Variants in IFT140 observed in about 807,000 individuals in gnomAD.
The protein encoded by IFT140 is intraflagellar transport 140.
IFT140 carries 133 observed loss-of-function variants against 164.6 expected under a neutral mutation model. The ratio of observed to expected loss-of-function variants is 0.81; its 90% CI spans 0.70 to 0.93. IFT140 has a LOEUF of 0.93. Among genes scored for constraint, IFT140 ranks in the 40% least tolerant of loss-of-function variants. The probability of loss-of-function intolerance (pLI) is 0.00; values close to 1 mark genes in which losing one functional copy is unlikely to be tolerated. For synonymous variants in IFT140, 860 were observed against 817.3 expected, an observed-to-expected ratio of 1.05 and a Z score of -0.89; for missense variants, 2,045 against 1,972.3, an observed-to-expected ratio of 1.04 and a Z score of -0.70.
chr16:1,574,225 G>C (rs573584004), intron 13 of IFT140, among the ~76,000 whole-genome samples: 1 of 152,248 alleles, frequency 6.6e-6, no homozygotes, highest in East Asian at 1.9e-4. Flanking sequence ...TGTTCCTCGG[G>C]GCTGAGTTTT....
intron 12 of IFT140, 60 bp downstream of exon 12, chr16:1,583,254 G>T: frequency 1.4e-6 from 2 of 1,430,054 alleles, no homozygotes; most frequent in Non-Finnish European, 2.0e-6. Flanking sequence ...CCTCTCATTA[G>T]GCAGGGAGGA....
At chr16:1,522,381 C>T (rs921653702) in intron 26 of IFT140, among the ~76,000 whole-genome samples, 1 of 151,686 alleles carries the variant, frequency 6.6e-6, no homozygotes, top group Non-Finnish European at 1.5e-5. Context: ...AATAAAAATA[C>T]AAAATTAGCC....
rs1227516953 is a variant in IFT140, at chr16:1,554,097, A to C, written c.2399+3838T>G. ...ATCTGCCAGGGAGGAGGGAGGGTCT[A>C]GAACGAGAAGCACTGACTCGGAAGT... On this transcript the variant is annotated intron_variant, in intron 19 of 30. Coordinates refer to ENST00000426508, the MANE Select transcript of IFT140 (RefSeq NM_014714.4). 4 of 1,287,104 alleles carry C rather than the reference A, an allele frequency of 3.1e-6. No individual in the cohort carries two copies. The East Asian group carries it at 2.2e-4, about 71-fold the overall frequency. 79.7% of individuals were successfully genotyped at this position (1,287,104 alleles called of 1,614,324 possible). A position where few individuals can be genotyped will look rare whatever the true frequency, so the allele number is the denominator to read the frequency against.
intron 3 of IFT140, among the ~76,000 whole-genome samples, chr16:1,603,467 G>A (rs1484987512): frequency 6.6e-6 from 1 of 152,028 alleles, no homozygotes; most frequent in East Asian, 1.9e-4. Context: ...CAGCTTGTGA[G>A]ATATGTGCTG....
At chr16:1,568,748 C>T (rs1278726720) in intron 14 of IFT140, among the ~76,000 whole-genome samples, 1 of 151,908 alleles carries the variant, frequency 6.6e-6, no homozygotes, top group Non-Finnish European at 1.5e-5. Flanking sequence ...AGTGAGACTC[C>T]ATCTCAAAAA....
intron 4 of IFT140, among the ~76,000 whole-genome samples, chr16:1,593,273 C>T (rs1240747248): frequency 1.3e-5 from 2 of 152,010 alleles, no homozygotes; most frequent in Admixed American, 6.6e-5. Context: ...ATCTTCATGC[C>T]TAGAGTTAGC....
chr16:1,581,606 T>C (rs1226416637), intron 12 of IFT140, among the ~76,000 whole-genome samples: 1 of 150,404 alleles, frequency 6.6e-6, no homozygotes, highest in Non-Finnish European at 1.5e-5. Flanking sequence ...TCAGAAAGAA[T>C]CTAGTTAGGG....
At chr16:1,593,804 G>C (rs747885874) in intron 4 of IFT140, among the ~76,000 whole-genome samples, 75 of 152,284 alleles carry the variant, frequency 4.9e-4, no homozygotes, top group Non-Finnish European at 6.2e-4. Flanking sequence ...GGTTGTGCTT[G>C]TGGGGTCTCT....
At chr16:1,572,539 G>A (rs1427538142) in intron 13 of IFT140, among the ~76,000 whole-genome samples, 4 of 152,158 alleles carry the variant, frequency 2.6e-5, no homozygotes, top group East Asian at 1.9e-4. Flanking sequence ...CCAGCTACTC[G>A]GGAGGCTGAG....
intron 7 of IFT140, among the ~76,000 whole-genome samples, 174 bp from the exon 8 acceptor site, chr16:1,588,198 G>C (rs980466834): frequency 2.0e-5 from 3 of 152,104 alleles, no homozygotes; most frequent in African/African-American, 7.2e-5. Context: ...TGAGATGTAG[G>C]GGCCGAAGCA....
intron 13 of IFT140, among the ~76,000 whole-genome samples, chr16:1,574,993 T>C (rs1359316702): frequency 6.6e-6 from 1 of 152,176 alleles, no homozygotes; most frequent in African/African-American, 2.4e-5. Flanking sequence ...AGAAGGGTCA[T>C]GAGGGATCAC....
chr16:1,575,447 G>A (rs1405436481), intron 13 of IFT140, among the ~76,000 whole-genome samples: 1 of 152,070 alleles, frequency 6.6e-6, no homozygotes, highest in African/African-American at 2.4e-5. Flanking sequence ...CCCACGCTCA[G>A]GAGGCTGAGG....
chr16:1,549,906 G>C (rs1389497627), intron 19 of IFT140, among the ~76,000 whole-genome samples: 1 of 152,190 alleles, frequency 6.6e-6, no homozygotes, highest in Admixed American at 6.5e-5. Flanking sequence ...CCCATGTCCA[G>C]GTTGCGTGTG....
At chr16:1,543,414 C>T (rs971260925) in intron 19 of IFT140, among the ~76,000 whole-genome samples, 4 of 152,144 alleles carry the variant, frequency 2.6e-5, no homozygotes, top group African/African-American at 4.8e-5. Context: ...GCTCTCTGAG[C>T]GCTATTAATA....
intron 1 of IFT140, among the ~76,000 whole-genome samples, chr16:1,611,685 G>A (rs1317164114): frequency 2.0e-5 from 3 of 150,742 alleles, no homozygotes; most frequent in African/African-American, 4.9e-5. Flanking sequence ...ATGGTGGCGC[G>A]CGCCTGTAAT....
At position 1,523,543 on chromosome 16, in the gene IFT140, A is replaced by G; in HGVS notation, c.3428T>C (p.Val1143Ala). 6.2e-7 allele frequency: 1 copy of G among 1,612,656 alleles called. No homozygotes were observed. The highest frequency in any genetic ancestry group is 8.5e-7 in the Non-Finnish European group (1 of 1,179,872). Residue 1143 changes from valine (V) to alanine (A), a missense_variant, in exon 26 of 31, where the codon GTA (valine) becomes GCA (alanine). Physicochemically the swap from Val to Ala is moderately conservative, Grantham distance 64 (BLOSUM62 0). Transcript: ENST00000426508. Reference protein sequence around the residue: ...FIEHSQYERAVELLLAARKYQ... With the variant: ...FIEHSQYERAAELLLAARKYQ... ...CTTCCTGGCAGCCAGCAGCAGCTCT[A>G]CCGCCCTCTCGTACTGACTGTGCTC... is the stretch of plus-strand genomic sequence containing the variant.
At chr16:1,559,125 T>C (rs1156615582) in intron 18 of IFT140, among the ~76,000 whole-genome samples, 1 of 152,222 alleles carries the variant, frequency 6.6e-6, no homozygotes, top group African/African-American at 2.4e-5. Flanking sequence ...CGGATGTGAC[T>C]GGGGCCCATC....
In IFT140 at chr16:1,551,457, A is replaced by C. The variant is rs2667664; in HGVS notation, c.2399+6478T>G. Among the ~76,000 whole-genome samples, 1 of 152,168 alleles carries C rather than the reference A, an allele frequency of 6.6e-6. No homozygotes were observed. The highest frequency in any genetic ancestry group is 6.5e-5 in the Admixed American group (1 of 15,284). ...GGCCACTGGGCCCCAGGGTGGCAGA[A>C]GGGCGGCCGCAGGTAGCAGGGGAGA... On this transcript the variant is annotated intron_variant, in intron 19 of 30. Transcript: ENST00000426508. This position sits in a 1 kb window ranked among gnomAD's most constrained non-coding sequence, Gnocchi z 4.0.
At position 1,551,258 on chromosome 16, in the gene IFT140, G is replaced by A. The variant is rs1596348624; in HGVS notation, c.2399+6677C>T. On this transcript the variant is annotated intron_variant, in intron 19 of 30. Coordinates refer to ENST00000426508, the MANE Select transcript of IFT140 (RefSeq NM_014714.4). This position sits in a 1 kb window ranked among gnomAD's most constrained non-coding sequence, Gnocchi z 4.0. The stretch of plus-strand genomic sequence containing the variant: ...GGGGAGAGCGGCCAGAGCCACCCAT[G>A]GGTAAAGACACAATGACCACGGCTG... Among the ~76,000 whole-genome samples, 2 of 152,344 alleles carry A rather than the reference G, an allele frequency of 1.3e-5. No individual in the cohort carries two copies. Among genetic ancestry groups the A allele is most frequent in the East Asian group, 1.9e-4 (1 of 5,180 alleles).
Sources: gnomAD v4.1 joint callset for allele counts (sites outside exome capture counted in the v4.1 genomes callset) on GRCh38, gnomAD v4.1.1 for gene constraint, Gnocchi (gnomAD v3.1) non-coding constraint, MANE v1.5 for transcripts, NCBI Gene and HGNC (gene_info 2026-07-23, HGNC 2026-07-21) for gene names.